GAP43: variants seen among roughly 807,000 people sequenced by gnomAD.
GAP43 encodes growth associated protein 43.
Under a neutral mutation model 18.6 loss-of-function variants are expected in GAP43, and 6 were observed. The observed-to-expected ratio is 0.32, with a 90% CI of 0.18 to 0.64. The LOEUF (loss-of-function observed/expected upper bound fraction) is 0.64, where lower values mean the gene tolerates loss of function less well. GAP43 is among the 30% of genes least tolerant of loss of function. The pLI is 0.78. For missense variants in GAP43, 292 were observed against 295.5 expected (o/e 0.99, Z 0.09); for synonymous variants, 115 against 111.4 (o/e 1.03, Z -0.20).
chr3:115,653,909 T>TA (rs958461830), intron 1 of GAP43, among the ~76,000 whole-genome samples: 12 of 150,332 alleles, frequency 8.0e-5, no homozygotes, highest in South Asian at 2.1e-4. Flanking sequence ...CATCTGAAAT[T>TA]AAAAAAAAAA....
chr3:115,676,871 C>T (rs28399393), intron 2 of GAP43, among the ~76,000 whole-genome samples: 9,927 of 152,148 alleles, frequency 0.065, 575 homozygotes, highest in African/African-American at 0.15. Context: ...TGGCAATTAC[C>T]TTAATTGGAT....
At chr3:115,658,751 T>C (rs1445162340) in intron 1 of GAP43, 2 of 152,218 alleles carry the variant, frequency 1.3e-5, no homozygotes, top group Non-Finnish European at 2.9e-5. Flanking sequence ...TTAACGAATC[T>C]CCACAATCTC....
intron 1 of GAP43, 75 bp downstream of exon 1, chr3:115,623,794 A>AT (rs1187075132): frequency 2.8e-5 from 42 of 1,488,940 alleles, no homozygotes; most frequent in Middle Eastern, 1.7e-4. Flanking sequence ...AAGGCAAACA[A>AT]TTTTTTTACT....
At chr3:115,689,991 C>T (rs1489418479) in intron 2 of GAP43, among the ~76,000 whole-genome samples, 5 of 152,242 alleles carry the variant, frequency 3.3e-5, no homozygotes, top group African/African-American at 1.2e-4. Context: ...TACCAAGAGA[C>T]AGCCGTGGTT....
intron 1 of GAP43, among the ~76,000 whole-genome samples, chr3:115,636,295 A>G (rs1392260170): frequency 6.6e-6 from 1 of 152,076 alleles, no homozygotes; most frequent in East Asian, 1.9e-4. Context: ...CCAGCTCATA[A>G]CAGAAATAAT....
chr3:115,661,253 G>GT, intron 1 of GAP43: 1 of 152,382 alleles, frequency 6.6e-6, no homozygotes, highest in Non-Finnish European at 1.5e-5. Context: ...AACCCAGCAA[G>GT]TTTTCTGTGC....
In GAP43 at chr3:115,709,667, C is replaced by G. The variant is rs777414518; in HGVS notation, c.629-11127C>G. ...TATGCTAATGAACCAAATCATAAAG[C>G]ACTTTTTCATTTTCAAGGTGATGTA... On this transcript the variant is annotated intron_variant, in intron 2 of 2. Transcript: ENST00000305124. 5.9e-5 allele frequency among the ~76,000 whole-genome samples: 9 copies of G among 151,982 alleles called. No homozygotes were observed. In the East Asian group the frequency reaches 1.5e-3, roughly 26 times the overall value.
rs1304541090 is a variant in GAP43, at chr3:115,720,847, G to C, written c.682G>C (p.Glu228Gln). 2.4e-5 allele frequency: 38 copies of C among 1,613,118 alleles called. No homozygotes were observed. The highest frequency in any genetic ancestry group is 2.7e-5 in the Non-Finnish European group (32 of 1,179,368). The change falls in exon 3 of 3, where the codon GAA (glutamate) becomes CAA (glutamine). Residue 228 changes from glutamate (E) to glutamine (Q), a missense_variant. Coordinates refer to ENST00000305124, the MANE Select transcript of GAP43 (RefSeq NM_002045.4). ...AAGTGCCCGGCAGGACGAGGGTAAA[G>C]AAGAGGAACCTGAGGCTGACCAAGA... is the stretch of plus-strand genomic sequence containing the variant. ...KESARQDEGKEEEPEADQEHA is the reference protein window; with the variant it reads ...KESARQDEGKQEEPEADQEHA
In GAP43 at chr3:115,644,336, T is replaced by G. The variant is rs1708432534; in HGVS notation, c.30+20617T>G. 6.6e-6 allele frequency among the ~76,000 whole-genome samples: 1 copy of G among 152,020 alleles called. No homozygotes were observed. The highest frequency in any genetic ancestry group is 1.5e-5 in the Non-Finnish European group (1 of 67,960). On this transcript the variant is annotated intron_variant, in intron 1 of 2. Coordinates refer to ENST00000305124, the MANE Select transcript of GAP43 (RefSeq NM_002045.4). The surrounding 1 kb of genome is among the most constrained non-coding windows in gnomAD (Gnocchi z 4.2). ...GTGATTATTGTATTTTACCTGATAG[T>G]TTTTGGACAGGACTATCAGGGTGAT...
intron 2 of GAP43, among the ~76,000 whole-genome samples, chr3:115,691,860 C>CT (rs1279470035): frequency 6.6e-6 from 1 of 152,136 alleles, no homozygotes; most frequent in Non-Finnish European, 1.5e-5. Context: ...AAACTGCAAT[C>CT]TAGGGATTCA....
intron 2 of GAP43, among the ~76,000 whole-genome samples, chr3:115,692,983 C>A (rs1709132892): frequency 1.3e-5 from 2 of 152,192 alleles, no homozygotes; most frequent in Non-Finnish European, 2.9e-5. Context: ...GTTCCTATTG[C>A]ACTGCTATGC....
chr3:115,657,473 A>G (rs1708597643), intron 1 of GAP43, among the ~76,000 whole-genome samples: 4 of 151,588 alleles, frequency 2.6e-5, no homozygotes, highest in Admixed American at 2.6e-4. Context: ...TTCTTTCGCA[A>G]ATATTTTTTC....
rs1015324513 is a variant in GAP43, at chr3:115,644,107, G to T, written c.30+20388G>T. On this transcript the variant is annotated intron_variant, in intron 1 of 2. Transcript: ENST00000305124. This position sits in a 1 kb window ranked among gnomAD's most constrained non-coding sequence, Gnocchi z 4.2. ...AGCGGATTTCCCAAGAGTGATGAAA[G>T]AAGAATTTGGTCCTGCTCACCACTA... Among the ~76,000 whole-genome samples the T allele has an allele frequency of 6.6e-6, 1 of 151,970 alleles. No homozygotes were observed. Among genetic ancestry groups the T allele is most frequent in the African/African-American group, 2.4e-5 (1 of 41,402 alleles).
At chr3:115,688,474 A>G (rs544871685) in intron 2 of GAP43, among the ~76,000 whole-genome samples, 1 of 151,968 alleles carries the variant, frequency 6.6e-6, no homozygotes, top group African/African-American at 2.4e-5. Flanking sequence ...CTATCTATAC[A>G]ATTTTGGAAT....
chr3:115,663,944 C>A, intron 1 of GAP43: 1 of 1,548,506 alleles, frequency 6.5e-7, no homozygotes, highest in Non-Finnish European at 8.7e-7. Context: ...GTAACCTATA[C>A]AAGTATTTTA....
Position 115,656,332 on chromosome 3 carries a change from A to G in GAP43, c.31-19681A>G, listed in dbSNP as rs1043915416. Among the ~76,000 whole-genome samples the G allele has an allele frequency of 2.0e-5, 3 of 152,210 alleles. No homozygotes were observed. The East Asian group carries it at 5.8e-4, about 29-fold the overall frequency. ...AAAATTCTGAATTGTTTAATATAAAATCAAGGAAGCTGTTTCCAATCAGGA... is the reference window on the plus strand; with the variant it reads ...AAAATTCTGAATTGTTTAATATAAAGTCAAGGAAGCTGTTTCCAATCAGGA... On this transcript the variant is annotated intron_variant, in intron 1 of 2. Transcript: ENST00000305124.
At chr3:115,641,248 T>C (rs1708391807) in intron 1 of GAP43, among the ~76,000 whole-genome samples, 1 of 151,910 alleles carries the variant, frequency 6.6e-6, no homozygotes, top group East Asian at 1.9e-4. Flanking sequence ...CATAAAATCA[T>C]TTTAAACATT....
At chr3:115,632,110 T>A (rs980665422) in intron 1 of GAP43, among the ~76,000 whole-genome samples, 2 of 152,118 alleles carry the variant, frequency 1.3e-5, no homozygotes, top group African/African-American at 4.8e-5. Flanking sequence ...TTCCTCACAT[T>A]TAGATCTCTT....
At chr3:115,650,797 T>G (rs1410455818) in intron 1 of GAP43, among the ~76,000 whole-genome samples, 1 of 152,134 alleles carries the variant, frequency 6.6e-6, no homozygotes, top group Non-Finnish European at 1.5e-5. Context: ...GTCTTACTCC[T>G]TCTAAAAATT....
Sources: allele counts gnomAD v4.1 joint callset (sites outside exome capture counted in the v4.1 genomes callset), GRCh38; gene constraint gnomAD v4.1.1; non-coding constraint Gnocchi (gnomAD v3.1); transcripts MANE v1.5; gene names NCBI Gene and HGNC (gene_info 2026-07-23, HGNC 2026-07-21).